Variants in RUNX1 observed in about 807,000 individuals in gnomAD.
RUNX1 encodes runt-related transcription factor 1.
A neutral mutation model predicts 42.8 loss-of-function variants in RUNX1; 19 were observed. That is an observed-to-expected ratio of 0.44 (90% CI 0.31 to 0.65). The LOEUF (loss-of-function observed/expected upper bound fraction) is 0.65. RUNX1 is among the 30% of genes least tolerant of loss of function. The pLI is 0.07. For synonymous variants in RUNX1, 271 were observed against 289.4 expected, an observed-to-expected ratio of 0.94 and a Z score of 0.64; for missense variants, 528 against 672.0, an observed-to-expected ratio of 0.79 and a Z score of 2.37.
At chr21:35,003,502 A>G (rs1251947828) in intron 2 of RUNX1, among the ~76,000 whole-genome samples, 2 of 149,704 alleles carry the variant, frequency 1.3e-5, no homozygotes. Flanking sequence ...TGAGTGAACA[A>G]GAAGGAGAAA....
intron 6 of RUNX1, among the ~76,000 whole-genome samples, chr21:34,850,799 T>TA (rs113906073): frequency 0.018 from 2,733 of 148,988 alleles, 39 homozygotes; most frequent in African/African-American, 0.041. Context: ...TAATTAAATG[T>TA]AAAAAAAAAA....
intron 2 of RUNX1, among the ~76,000 whole-genome samples, chr21:34,953,666 C>G (rs181703564): frequency 5.1e-4 from 77 of 152,280 alleles, no homozygotes; most frequent in African/African-American, 1.8e-3. Context: ...CTTCTGATCT[C>G]TAAATGCAAC....
intron 7 of RUNX1, among the ~76,000 whole-genome samples, chr21:34,803,513 C>T (rs1275480588): frequency 6.6e-6 from 1 of 151,616 alleles, no homozygotes; most frequent in South Asian, 2.1e-4. Flanking sequence ...TGCCACTGCA[C>T]TCCAGCCTAG....
At chr21:34,804,915 T>C (rs1208033798) in intron 7 of RUNX1, among the ~76,000 whole-genome samples, 1 of 149,980 alleles carries the variant, frequency 6.7e-6, no homozygotes, top group Non-Finnish European at 1.5e-5. Context: ...CTATTTTTTC[T>C]TTTTTTTTGT....
intron 2 of RUNX1, among the ~76,000 whole-genome samples, chr21:34,921,347 T>C (rs2058352685): frequency 1.3e-5 from 2 of 152,206 alleles, no homozygotes; most frequent in Non-Finnish European, 2.9e-5. Flanking sequence ...TTTCTGTCTC[T>C]ATCATGTGAC....
chr21:34,867,651 T>G (rs915262540), intron 5 of RUNX1, among the ~76,000 whole-genome samples: 5 of 152,194 alleles, frequency 3.3e-5, no homozygotes, highest in Non-Finnish European at 7.3e-5. Flanking sequence ...AACACCATGA[T>G]GTTCTCATGC....
At chr21:34,886,678 A>G (rs918332023) in intron 4 of RUNX1, among the ~76,000 whole-genome samples, 165 bp downstream of exon 4, 2 of 152,192 alleles carry the variant, frequency 1.3e-5, no homozygotes, top group Admixed American at 6.5e-5. Flanking sequence ...GAGGGTCGCC[A>G]CGGCAACACA....
intron 2 of RUNX1, among the ~76,000 whole-genome samples, chr21:34,969,630 C>T (rs541878441): frequency 1.3e-5 from 2 of 152,144 alleles, no homozygotes; most frequent in East Asian, 3.9e-4. Flanking sequence ...GACTCTCCTG[C>T]ATGCCAGGAA....
intron 7 of RUNX1, among the ~76,000 whole-genome samples, chr21:34,830,284 C>T (rs2057044909): frequency 6.6e-6 from 1 of 152,092 alleles, no homozygotes. Context: ...GGCTGGTAAG[C>T]CTTCTCCCTG....
At chr21:34,964,555 G>A (rs1569128174) in intron 2 of RUNX1, among the ~76,000 whole-genome samples, 1 of 151,802 alleles carries the variant, frequency 6.6e-6, no homozygotes, top group Non-Finnish European at 1.5e-5. Context: ...TTTTTGGCAT[G>A]AAAGGACATT....
chr21:34,825,112 C>T (rs905839392), intron 7 of RUNX1, among the ~76,000 whole-genome samples: 1 of 152,156 alleles, frequency 6.6e-6, no homozygotes, highest in African/African-American at 2.4e-5. Flanking sequence ...GTCAACAATG[C>T]CTGGCAATCA....
In RUNX1 at chr21:34,788,434, G is replaced by A. The variant is rs2056395336; in HGVS notation, c.*3701C>T. The A allele has an allele frequency of 2.6e-5, 6 of 232,884 alleles. 1 individual carries two copies. The highest frequency in any genetic ancestry group is 2.5e-3 in the Middle Eastern group (2 of 802). The allele number at this position is 232,884 out of a possible 1,614,324, so 14.4% of individuals were successfully genotyped here. ...AAAAATTGGAACCATGCTATTAGCT[G>A]TTTACAAAAGTGAATAAGAAGTAGC... On this transcript the variant is annotated 3_prime_UTR_variant, in exon 9 of 9. Coordinates refer to ENST00000675419, the MANE Select transcript of RUNX1 (RefSeq NM_001754.5).
chr21:34,853,430 A>G lies in RUNX1; in HGVS notation c.613+6044T>C, dbSNP rs536113347. The stretch of plus-strand genomic sequence containing the variant: ...TCCCAATAAAAAATACAGGAATTAC[A>G]TTACCATGAAGCTCAAAAAGCGGCC... On this transcript the variant is annotated intron_variant, in intron 6 of 8. Coordinates refer to ENST00000675419, the MANE Select transcript of RUNX1 (RefSeq NM_001754.5). Among the ~76,000 whole-genome samples the G allele has an allele frequency of 1.6e-4, 25 of 152,320 alleles. 1 individual carries two copies. The South Asian group carries it at 5.2e-3, about 32-fold the overall frequency.
intron 2 of RUNX1, among the ~76,000 whole-genome samples, chr21:34,982,484 T>A (rs2058854345): frequency 6.7e-6 from 1 of 149,628 alleles, no homozygotes; most frequent in African/African-American, 2.5e-5. Flanking sequence ...CCATCCACTC[T>A]CCTCTTAGCA....
At chr21:34,965,689 AT>A (rs34720541) in intron 2 of RUNX1, among the ~76,000 whole-genome samples, 14,067 of 152,128 alleles carry the variant, frequency 0.092, 986 homozygotes, top group African/African-American at 0.19. Flanking sequence ...CTCACCAGTT[AT>A]GGGACTCTCG....
intron 2 of RUNX1, among the ~76,000 whole-genome samples, chr21:34,987,842 C>T (rs762248): frequency 0.84 from 128,540 of 152,172 alleles, 54,493 homozygotes; most frequent in East Asian, 0.89. Flanking sequence ...ATGCTAGCTT[C>T]GTGTGCAGAC....
At chr21:34,856,997 C>T (rs2057503197) in intron 6 of RUNX1, among the ~76,000 whole-genome samples, 3 of 152,158 alleles carry the variant, frequency 2.0e-5, no homozygotes, top group African/African-American at 7.2e-5. Context: ...CAGTGATGGC[C>T]CCTCTTGCTT....
chr21:34,969,364 C>T (rs2058743748), intron 2 of RUNX1, among the ~76,000 whole-genome samples: 1 of 151,720 alleles, frequency 6.6e-6, no homozygotes, highest in South Asian at 2.1e-4. Context: ...CCATTCTACT[C>T]ACAGGGCAGG....
chr21:34,832,700 G>A (rs1314434215), intron 7 of RUNX1, among the ~76,000 whole-genome samples: 1 of 152,000 alleles, frequency 6.6e-6, no homozygotes, highest in Non-Finnish European at 1.5e-5. Context: ...AGCCCATCTC[G>A]CTCACTGAAC....
Sources: gnomAD v4.1 joint callset for allele counts (sites outside exome capture counted in the v4.1 genomes callset) on GRCh38, gnomAD v4.1.1 for gene constraint, MANE v1.5 for transcripts, NCBI Gene and HGNC (gene_info 2026-07-23, HGNC 2026-07-21) for gene names.